The following C21orf91 variants were observed in gnomAD, a reference collection of about 807,000 sequenced individuals.
C21orf91 encodes chromosome 21 open reading frame 91.
In C21orf91, 26 loss-of-function variants were observed where a neutral mutation model predicts 32.9. The observed-to-expected ratio is 0.79, with a 90% CI of 0.58 to 1.10. The LOEUF (loss-of-function observed/expected upper bound fraction) is 1.10. C21orf91 is among the 50% of genes least tolerant of loss of function. The pLI is 0.00. For synonymous variants in C21orf91, 126 were observed against 120.4 expected, an observed-to-expected ratio of 1.05 and a Z score of -0.31; for missense variants, 310 against 341.3, an observed-to-expected ratio of 0.91 and a Z score of 0.72.
At chr21:17,814,905 T>C (rs139897153) in intron 2 of C21orf91, among the ~76,000 whole-genome samples, 169 of 152,292 alleles carry the variant, frequency 1.1e-3, no homozygotes, top group African/African-American at 3.8e-3. Context: ...CTTGTGAACA[T>C]TAAAAAATAT....
intron 3 of C21orf91, among the ~76,000 whole-genome samples, chr21:17,795,508 T>G (rs1174158099): frequency 6.6e-6 from 1 of 152,224 alleles, no homozygotes; most frequent in Non-Finnish European, 1.5e-5. Context: ...AGGGTCTCAC[T>G]TTGTCACCCA....
At chr21:17,805,365 G>A (rs2062587612) in intron 2 of C21orf91, among the ~76,000 whole-genome samples, 3 of 152,166 alleles carry the variant, frequency 2.0e-5, no homozygotes, top group Non-Finnish European at 2.9e-5. Context: ...CCAGGCTGGA[G>A]TACAATGGTG....
rs189170439 is a variant in C21orf91 at position 17,811,243 on chromosome 21, A to G, written c.127+6949T>C. The G allele has an allele frequency of 2.6e-3, 394 of 152,348 alleles. 1 individual carries two copies. The highest frequency in any genetic ancestry group is 8.9e-3 in the African/African-American group (369 of 41,578). The allele number at this position is 152,348 out of a possible 1,614,324, so 9.4% of individuals were successfully genotyped here. A position where few individuals can be genotyped will look rare whatever the true frequency, so the allele number is the denominator to read the frequency against. ...CACTTTCCTTATTCATCAAACTGGG[A>G]TAACACAGAACCTACTTCATATAGT... On this transcript the variant is annotated intron_variant, in intron 2 of 4. Coordinates refer to ENST00000284881, the MANE Select transcript of C21orf91 (RefSeq NM_001100420.2).
At chr21:17,803,506 C>A (rs1288134585) in intron 2 of C21orf91, among the ~76,000 whole-genome samples, 1 of 152,074 alleles carries the variant, frequency 6.6e-6, no homozygotes, top group African/African-American at 2.4e-5. Context: ...CAGAGTGAGA[C>A]CCTGTGTCTT....
chr21:17,817,839 A>C, intron 2 of C21orf91: 1 of 166,670 alleles, frequency 6.0e-6, no homozygotes, highest in Non-Finnish European at 1.3e-5. Flanking sequence ...AAAGAATAAA[A>C]AAATTGTTAT....
At chr21:17,817,468 T>A (rs2062671538) in intron 2 of C21orf91, among the ~76,000 whole-genome samples, 1 of 152,098 alleles carries the variant, frequency 6.6e-6, no homozygotes, top group South Asian at 2.1e-4. Flanking sequence ...AAACTCAAAT[T>A]ACAGGCCAAA....
intron 2 of C21orf91, among the ~76,000 whole-genome samples, chr21:17,800,070 ATCAT>A (rs781410990): frequency 2.0e-5 from 3 of 152,144 alleles, no homozygotes; most frequent in Non-Finnish European, 4.4e-5. Flanking sequence ...TTCCTGTGGC[ATCAT>A]TCAATCTGTC....
At chr21:17,794,649 C>T (rs931107909) in intron 4 of C21orf91, among the ~76,000 whole-genome samples, 3 of 152,052 alleles carry the variant, frequency 2.0e-5, no homozygotes, top group African/African-American at 7.2e-5. Flanking sequence ...TATAATTTAA[C>T]AAAAAAGACT....
rs760182694 is a variant in C21orf91 at position 17,797,124 on chromosome 21, GA to G, written c.128-7del. ...GAGATCAGACTTTGGTACCCCTATG[GA>G]AAAAAAAGAGAAACAAAAGACTTGA... On this transcript the variant is annotated splice_region_variant and splice_polypyrimidine_tract_variant and intron_variant, in intron 2 of 4. Transcript: ENST00000284881. The G allele has an allele frequency of 1.4e-5, 21 of 1,535,086 alleles. No individual in the cohort carries two copies. Among genetic ancestry groups the G allele is most frequent in the Non-Finnish European group, 1.6e-5 (18 of 1,141,874 alleles).
intron 2 of C21orf91, among the ~76,000 whole-genome samples, chr21:17,806,912 G>GT (rs765998674): frequency 6.6e-6 from 1 of 152,194 alleles, no homozygotes; most frequent in Non-Finnish European, 1.5e-5. Flanking sequence ...GACAGAGGCT[G>GT]TAAGAAGTGT....
intron 1 of C21orf91, 182 bp downstream of exon 1, chr21:17,819,121 G>C (rs1417788051): frequency 6.6e-6 from 1 of 152,212 alleles, no homozygotes; most frequent in African/African-American, 2.4e-5. Flanking sequence ...TCGGCGTTGG[G>C]GGCGCGCGGC....
intron 2 of C21orf91, among the ~76,000 whole-genome samples, chr21:17,800,080 C>G (rs987486060): frequency 2.0e-5 from 3 of 152,042 alleles, no homozygotes; most frequent in African/African-American, 7.2e-5. Flanking sequence ...ATCATTCAAT[C>G]TGTCAAAGAA....
At chr21:17,793,885 G>A (rs1043509805) in intron 4 of C21orf91, among the ~76,000 whole-genome samples, 1 of 152,160 alleles carries the variant, frequency 6.6e-6, no homozygotes, top group Non-Finnish European at 1.5e-5. Flanking sequence ...TCTATAAACA[G>A]ATTCAATTAG....
intron 2 of C21orf91, among the ~76,000 whole-genome samples, chr21:17,804,171 G>C (rs1311642484): frequency 6.6e-6 from 1 of 152,138 alleles, no homozygotes; most frequent in Non-Finnish European, 1.5e-5. Flanking sequence ...GCAAGCAGTA[G>C]CCAAGCCATA....
Position 17,796,714 on chromosome 21 carries a change from A to C in C21orf91, c.532T>G (p.Ser178Ala). Residue 178 changes from serine (S) to alanine (A), a missense_variant, in exon 3 of 5, where the codon TCA (serine) becomes GCA (alanine). Physicochemically the swap from Ser to Ala is moderately conservative, Grantham distance 99. Coordinates refer to ENST00000284881, the MANE Select transcript of C21orf91 (RefSeq NM_001100420.2). The part of the protein sequence containing the change: ...TDFGLSMLQD[S>A]GATLCRNSVL... The stretch of plus-strand genomic sequence containing the variant: ...CTGTTACGACATAAAGTGGCACCTG[A>C]ATCTTGTAACATAGAAAGTCCAAAG... 1 of 1,614,136 alleles carries C rather than the reference A, an allele frequency of 6.2e-7. No homozygotes were observed. The highest frequency in any genetic ancestry group is 8.5e-7 in the Non-Finnish European group (1 of 1,179,978).
At chr21:17,807,339 C>A (rs908677538) in intron 2 of C21orf91, among the ~76,000 whole-genome samples, 11 of 152,132 alleles carry the variant, frequency 7.2e-5, no homozygotes, top group Admixed American at 1.3e-4. Flanking sequence ...TCCCCCTTCA[C>A]CTTCTGTCAT....
At position 17,793,558 on chromosome 21, in the gene C21orf91, G is replaced by C; in HGVS notation, c.751C>G (p.Gln251Glu). Residue 251 changes from glutamine (Q) to glutamate (E), a missense_variant, in exon 5 of 5, where the codon CAA becomes GAA. By Grantham distance (29) the Gln-to-Glu change is conservative. Transcript: ENST00000284881. ...IQEVFEELTH[Q>E]VQEKDSLASQ... ...GCCAAAGAATCTTTTTCTTGCACTT[G>C]GTGAGTTAACTCTTCAAAAACTTCT... The C allele has an allele frequency of 6.2e-7, 1 of 1,612,266 alleles. No individual in the cohort carries two copies. Among genetic ancestry groups the C allele is most frequent in the Non-Finnish European group, 8.5e-7 (1 of 1,178,946 alleles).
Position 17,791,539 on chromosome 21 carries a change from C to T in C21orf91, c.*1876G>A, listed in dbSNP as rs2062474290. Reference sequence around the variant, plus strand: ...ACTTTTATGACTGTCCCTAACTCATCTAAACACAAACCCAAATGTGTGCAA... The same window carrying T: ...ACTTTTATGACTGTCCCTAACTCATTTAAACACAAACCCAAATGTGTGCAA... On this transcript the variant is annotated 3_prime_UTR_variant, in exon 5 of 5. Transcript: ENST00000284881. 6.6e-6 allele frequency: 1 copy of T among 152,154 alleles called. No individual in the cohort carries two copies. Among genetic ancestry groups the T allele is most frequent in the Non-Finnish European group, 1.5e-5 (1 of 67,992 alleles). 9.4% of individuals were successfully genotyped at this position (152,154 alleles called of 1,614,324 possible).
rs999091364 is a variant in C21orf91 at position 17,795,223 on chromosome 21, G to T, written c.712C>A (p.Leu238Ile). The T allele has an allele frequency of 1.2e-6, 2 of 1,610,460 alleles. No individual in the cohort carries two copies. The highest frequency in any genetic ancestry group is 2.7e-5 in the African/African-American group (2 of 74,932). Residue 238 changes from leucine (L) to isoleucine (I), a missense_variant, in exon 4 of 5, where the codon CTA becomes ATA. By Grantham distance (5) the Leu-to-Ile change is conservative. Transcript: ENST00000284881. The stretch of plus-strand genomic sequence containing the variant: ...TGATTCTTACCCTGGATTTGCTGTA[G>T]GAGCTTTGCATTCAGTTGCTCTACC... The part of the protein sequence containing the change: ...GEVEQLNAKL[L>I]QQIQEVFEEL...
Sources: gnomAD v4.1 joint callset for allele counts (sites outside exome capture counted in the v4.1 genomes callset) on GRCh38, gnomAD v4.1.1 for gene constraint, MANE v1.5 for transcripts, NCBI Gene and HGNC (gene_info 2026-07-23, HGNC 2026-07-21) for gene names.